SUGCT: variants seen among roughly 807,000 people sequenced by gnomAD.
SUGCT encodes the protein succinyl-CoA:glutarate-CoA transferase.
SUGCT carries 41 observed loss-of-function variants against 55.0 expected under a neutral mutation model. That is an observed-to-expected ratio of 0.74 (90% confidence interval 0.58 to 0.97). The LOEUF (loss-of-function observed/expected upper bound fraction) is 0.97, where lower values mean the gene tolerates loss of function less well. Among genes scored for constraint, SUGCT ranks in the 50% least tolerant of loss-of-function variants. The pLI, the probability that SUGCT is intolerant of heterozygous loss-of-function variation, is 0.00. For synonymous variants in SUGCT, 187 were observed against 200.4 expected, an observed-to-expected ratio of 0.93 and a Z score of 0.56; for missense variants, 568 against 547.8, an observed-to-expected ratio of 1.04 and a Z score of -0.37.
At chr7:40,810,858 AT>A (rs1791372521) in intron 13 of SUGCT, among the ~76,000 whole-genome samples, 1 of 152,070 alleles carries the variant, frequency 6.6e-6, no homozygotes, top group Non-Finnish European at 1.5e-5. Flanking sequence ...CTAGAATGGC[AT>A]TTCCTGTTTT....
chr7:40,957,435 T>C, the SUGCT span, among the ~76,000 whole-genome samples: 1 of 145,430 alleles, frequency 6.9e-6, no homozygotes, highest in Non-Finnish European at 1.5e-5. Context: ...GAGACTAGGA[T>C]TGCAACCCCT....
chr7:40,863,118 C>G (rs1457202651), downstream of SUGCT, among the ~76,000 whole-genome samples: 1 of 152,088 alleles, frequency 6.6e-6, no homozygotes, highest in Non-Finnish European at 1.5e-5. Flanking sequence ...TGCCTGCCTT[C>G]CCAGCTACTT....
At chr7:40,158,561 A>G (rs1784005206) in intron 1 of SUGCT, among the ~76,000 whole-genome samples, 3 of 152,130 alleles carry the variant, frequency 2.0e-5, no homozygotes, top group Non-Finnish European at 2.9e-5. Flanking sequence ...GACCAGCCTG[A>G]CCAATGTAGT....
intron 12 of SUGCT, among the ~76,000 whole-genome samples, chr7:40,675,455 TAGA>T (rs1171575055): frequency 6.6e-6 from 1 of 152,206 alleles, no homozygotes; most frequent in African/African-American, 2.4e-5. Flanking sequence ...TGGTGTGTTT[TAGA>T]AGGAGAATGA....
chr7:40,544,152 G>T (rs1039054607), intron 12 of SUGCT, among the ~76,000 whole-genome samples: 1 of 148,862 alleles, frequency 6.7e-6, no homozygotes, highest in Non-Finnish European at 1.5e-5. Flanking sequence ...TTTTTTTTAG[G>T]GCAGTTTCTG....
At chr7:40,970,171 GT>G in the SUGCT span, among the ~76,000 whole-genome samples, 12 of 151,890 alleles carry the variant, frequency 7.9e-5, no homozygotes, top group Non-Finnish European at 1.3e-4. Context: ...CTATGGTTTT[GT>G]TTTTCTTTTT....
At chr7:41,011,800 G>C in the SUGCT span, among the ~76,000 whole-genome samples, 1 of 152,176 alleles carries the variant, frequency 6.6e-6, no homozygotes, top group Non-Finnish European at 1.5e-5. Context: ...AGAAACTCTT[G>C]ATTCACAGGT....
intron 9 of SUGCT, among the ~76,000 whole-genome samples, chr7:40,352,029 G>A (rs752294789): frequency 2.6e-5 from 4 of 152,198 alleles, no homozygotes; most frequent in African/African-American, 4.8e-5. Flanking sequence ...ATGGTAGAAA[G>A]CTATTATTTT....
At chr7:40,451,389 A>G (rs1366996635) in intron 10 of SUGCT, among the ~76,000 whole-genome samples, 3 of 152,230 alleles carry the variant, frequency 2.0e-5, no homozygotes, top group Admixed American at 6.5e-5. Context: ...CCATAAGAAC[A>G]GTTTTCAACA....
chr7:40,300,414 C>T lies in SUGCT; in HGVS notation c.721-16346C>T, dbSNP rs981451510. 4.6e-5 allele frequency among the ~76,000 whole-genome samples: 7 copies of T among 152,236 alleles called. No individual in the cohort carries two copies. The East Asian group carries it at 1.2e-3, about 25-fold the overall frequency. The stretch of plus-strand genomic sequence containing the variant: ...GCCCTCTTCAGAACTGTCTAGCCCT[C>T]CAATTGTGGTTAAAGGGTGAATGGA... On this transcript the variant is annotated intron_variant, in intron 8 of 13. Coordinates refer to ENST00000335693, the MANE Select transcript of SUGCT (RefSeq NM_001193313.2).
chr7:40,906,885 A>C, the SUGCT span, among the ~76,000 whole-genome samples: 7 of 152,148 alleles, frequency 4.6e-5, no homozygotes, highest in Admixed American at 6.6e-5. Context: ...AACGCTCTAT[A>C]ACTTAGAGTT....
At chr7:40,564,852 C>T (rs1324799724) in intron 12 of SUGCT, among the ~76,000 whole-genome samples, 1 of 152,184 alleles carries the variant, frequency 6.6e-6, no homozygotes, top group Non-Finnish European at 1.5e-5. Flanking sequence ...TACTTCAGAG[C>T]AGGCTTTTGT....
chr7:40,986,082 G>A, the SUGCT span, among the ~76,000 whole-genome samples: 1,081 of 152,218 alleles, frequency 7.1e-3, 11 homozygotes, highest in African/African-American at 0.024. Flanking sequence ...AACATGAGCC[G>A]AATTTTGTCC....
intron 6 of SUGCT, among the ~76,000 whole-genome samples, chr7:40,204,703 T>C (rs1404143951): frequency 1.3e-5 from 2 of 151,394 alleles, no homozygotes; most frequent in Non-Finnish European, 2.9e-5. Flanking sequence ...GACAAGAGGA[T>C]TGCGTGAGGG....
rs886728989 is a variant in SUGCT at position 40,375,093 on chromosome 7, A to G, written c.816+58238A>G. Among the ~76,000 whole-genome samples, 8 of 152,318 alleles carry G rather than the reference A, an allele frequency of 5.3e-5. No individual in the cohort carries two copies. The South Asian group carries it at 6.2e-4, about 12-fold the overall frequency. On this transcript the variant is annotated intron_variant, in intron 9 of 13. Coordinates refer to ENST00000335693, the MANE Select transcript of SUGCT (RefSeq NM_001193313.2). ...TATAGGTCCAATTCTGTGGGAAACCATTAGTACAGACAGCGTCACAAAGCT... is the reference window on the plus strand; with the variant it reads ...TATAGGTCCAATTCTGTGGGAAACCGTTAGTACAGACAGCGTCACAAAGCT...
the SUGCT span, among the ~76,000 whole-genome samples, chr7:40,898,015 A>T: frequency 6.6e-6 from 1 of 152,146 alleles, no homozygotes; most frequent in Non-Finnish European, 1.5e-5. Flanking sequence ...TCCGGTGTGA[A>T]AGGTGTGTTC....
rs184168969 is a variant in SUGCT at position 40,287,628 on chromosome 7, C to T, written c.720+12972C>T. On this transcript the variant is annotated intron_variant, in intron 8 of 13. Transcript: ENST00000335693. ...TCCCCCACCTCAGCCCCCTGAGTGGCTTGGACTACACGCATATGCCATCAT... is the reference window on the plus strand; with the variant it reads ...TCCCCCACCTCAGCCCCCTGAGTGGTTTGGACTACACGCATATGCCATCAT... 1.4e-4 allele frequency among the ~76,000 whole-genome samples: 22 copies of T among 152,148 alleles called. 1 individual carries two copies. Among genetic ancestry groups the T allele is most frequent in the African/African-American group, 4.6e-4 (19 of 41,516 alleles).
At position 40,529,852 on chromosome 7, in the gene SUGCT, AACTTTAC is replaced by A. The variant is rs551802351; in HGVS notation, c.1089+33469_1089+33475del. On this transcript the variant is annotated intron_variant, in intron 12 of 13. Transcript: ENST00000335693. Reference sequence around the variant, plus strand: ...CCTAATAAATGAATTGTAGAAAATAAACTTTACACCCACCAGCTAAGCTATTCATTCT... The same window carrying A: ...CCTAATAAATGAATTGTAGAAAATAAACCCACCAGCTAAGCTATTCATTCT... Among the ~76,000 whole-genome samples the A allele has an allele frequency of 1.5e-4, 23 of 152,292 alleles. No homozygotes were observed. The South Asian group carries it at 4.8e-3, about 32-fold the overall frequency.
intron 13 of SUGCT, among the ~76,000 whole-genome samples, chr7:40,811,178 T>A (rs2128757695): frequency 6.6e-6 from 1 of 152,332 alleles, no homozygotes; most frequent in Middle Eastern, 3.4e-3. Flanking sequence ...CCTTATAATA[T>A]AGTTTGAAGT....
Sources: gnomAD v4.1 joint callset for allele counts (sites outside exome capture counted in the v4.1 genomes callset) on GRCh38, gnomAD v4.1.1 for gene constraint, MANE v1.5 for transcripts, NCBI Gene and HGNC (gene_info 2026-07-23, HGNC 2026-07-21) for gene names.